SLC39A14: variants seen among roughly 807,000 people sequenced by gnomAD.
SLC39A14 encodes metal cation symporter ZIP14.
A neutral mutation model predicts 45.5 loss-of-function variants in SLC39A14; 19 were observed. The observed-to-expected ratio is 0.42, with a 90% CI of 0.29 to 0.61. The LOEUF is 0.61. Ranked by LOEUF, SLC39A14 falls within the 20% of genes least tolerant of loss-of-function variation. SLC39A14 has a pLI of 0.22. For synonymous variants in SLC39A14, 264 were observed against 251.3 expected (o/e 1.05, Z -0.48); for missense variants, 447 against 616.5 (o/e 0.73, Z 2.91).
chr8:22,423,627 C>T (rs1196886262), downstream of SLC39A14, among the ~76,000 whole-genome samples: 1 of 151,322 alleles, frequency 6.6e-6, no homozygotes, highest in African/African-American at 2.4e-5. Flanking sequence ...GAGCCACTGG[C>T]CATGATTTTT....
At chr8:22,403,101 C>T (rs865979079) in intron 1 of SLC39A14, among the ~76,000 whole-genome samples, 17 of 151,414 alleles carry the variant, frequency 1.1e-4, no homozygotes, top group Middle Eastern at 7.0e-3. Flanking sequence ...CTTAGCCTCC[C>T]GAGTAGCTGG....
At position 22,421,834 on chromosome 8, in the gene SLC39A14, T is replaced by C; in HGVS notation, c.*2136T>C. Reference sequence around the variant, plus strand: ...GGAGAGGAGCTCAAAACTATAATCTTTAACAAATTGAAAAATGAAATAGGG... The same window carrying C: ...GGAGAGGAGCTCAAAACTATAATCTCTAACAAATTGAAAAATGAAATAGGG... On this transcript the variant is annotated 3_prime_UTR_variant, in exon 9 of 9. Coordinates refer to ENST00000381237, the MANE Select transcript of SLC39A14 (RefSeq NM_001128431.4). 2.0e-6 allele frequency: 2 copies of C among 985,386 alleles called. No individual in the cohort carries two copies. Among genetic ancestry groups the C allele is most frequent in the Non-Finnish European group, 2.4e-6 (2 of 829,860 alleles). 61.0% of individuals were successfully genotyped at this position (985,386 alleles called of 1,614,324 possible). A position where few individuals can be genotyped will look rare whatever the true frequency, so the allele number is the denominator to read the frequency against.
chr8:22,401,446 G>A (rs1339618791), intron 1 of SLC39A14, among the ~76,000 whole-genome samples: 1 of 151,962 alleles, frequency 6.6e-6, no homozygotes, highest in Admixed American at 6.6e-5. Flanking sequence ...ACCATACTAA[G>A]GGAGGTGGTT....
chr8:22,410,386 C>T (rs948678200), intron 3 of SLC39A14, among the ~76,000 whole-genome samples: 2 of 152,150 alleles, frequency 1.3e-5, no homozygotes, highest in Admixed American at 6.6e-5. Context: ...CTTGTTAAGC[C>T]CCATACATAA....
intron 1 of SLC39A14, among the ~76,000 whole-genome samples, chr8:22,387,977 T>TAAGAA (rs1206065973): frequency 6.6e-6 from 1 of 152,202 alleles, no homozygotes; most frequent in African/African-American, 2.4e-5. Context: ...GCATGCCTGT[T>TAAGAA]CATGTCTGGA....
intron 1 of SLC39A14, among the ~76,000 whole-genome samples, chr8:22,380,765 C>T (rs1186210848): frequency 1.3e-5 from 2 of 151,782 alleles, no homozygotes; most frequent in Non-Finnish European, 2.9e-5. Context: ...CTGATTTGAC[C>T]TCCCGGGCTC....
At chr8:22,368,250 G>C (rs1832741592) in intron 1 of SLC39A14, among the ~76,000 whole-genome samples, 1 of 152,118 alleles carries the variant, frequency 6.6e-6, no homozygotes, top group Non-Finnish European at 1.5e-5. Context: ...GCTTTGACCT[G>C]ACCCTTCTTC....
intron 1 of SLC39A14, among the ~76,000 whole-genome samples, chr8:22,371,090 G>A (rs1262593282): frequency 1.3e-5 from 2 of 152,198 alleles, no homozygotes; most frequent in Non-Finnish European, 2.9e-5. Flanking sequence ...AGGCAGAGAC[G>A]CAGAGGCTGG....
At chr8:22,387,232 C>T (rs560891792) in intron 1 of SLC39A14, among the ~76,000 whole-genome samples, 5 of 151,216 alleles carry the variant, frequency 3.3e-5, no homozygotes, top group African/African-American at 9.7e-5. Flanking sequence ...GTGTTAAAGT[C>T]GTGATGCAGT....
chr8:22,406,847 A>G (rs1467173656), intron 2 of SLC39A14, among the ~76,000 whole-genome samples: 3 of 152,184 alleles, frequency 2.0e-5, no homozygotes, highest in Non-Finnish European at 1.5e-5. Flanking sequence ...TAGCAGCAGC[A>G]TCTCGGGGTG....
At chr8:22,391,804 G>A (rs111513166) in intron 1 of SLC39A14, among the ~76,000 whole-genome samples, 4,675 of 152,176 alleles carry the variant, frequency 0.031, 228 homozygotes, top group African/African-American at 0.1. Flanking sequence ...TCCTGACCTC[G>A]TGATCCGCCT....
chr8:22,409,540 G>A (rs779105927), intron 3 of SLC39A14, among the ~76,000 whole-genome samples: 2 of 152,012 alleles, frequency 1.3e-5, no homozygotes, highest in Non-Finnish European at 2.9e-5. Flanking sequence ...GCGCCACCAC[G>A]CCCAGCTAAT....
intron 1 of SLC39A14, among the ~76,000 whole-genome samples, chr8:22,391,537 A>C (rs1375931444): frequency 6.6e-6 from 1 of 151,704 alleles, no homozygotes; most frequent in Admixed American, 6.6e-5. Flanking sequence ...GGAGGATAGA[A>C]TGTCCTTGGA....
At chr8:22,411,778 C>CTTG in intron 3 of SLC39A14, 1 of 434,474 alleles carries the variant, frequency 2.3e-6, no homozygotes, top group Non-Finnish European at 4.2e-6. Flanking sequence ...CCAAGGCCAC[C>CTTG]TTGAATTCCT....
intron 1 of SLC39A14, among the ~76,000 whole-genome samples, chr8:22,385,922 G>C (rs1461250087): frequency 6.6e-6 from 1 of 152,104 alleles, no homozygotes; most frequent in Non-Finnish European, 1.5e-5. Context: ...GGAAAGTGAT[G>C]TGATCAATTT....
intron 1 of SLC39A14, among the ~76,000 whole-genome samples, chr8:22,381,845 A>C (rs1285274270): frequency 1.3e-5 from 2 of 152,188 alleles, no homozygotes; most frequent in African/African-American, 4.8e-5. Context: ...ATATCAGCAA[A>C]AATGGGCAAA....
At chr8:22,402,513 C>CA (rs1834934920) in intron 1 of SLC39A14, among the ~76,000 whole-genome samples, 1 of 152,180 alleles carries the variant, frequency 6.6e-6, no homozygotes, top group Non-Finnish European at 1.5e-5. Flanking sequence ...CATACGCCTA[C>CA]AATCCCAACA....
rs539721497 is a variant in SLC39A14 at position 22,367,576 on chromosome 8, T to A, written c.-16+168T>A. ...GCTGGGTGGAGGCTGCACCTGGCCG[T>A]GGTGCCGCGCTGGCGAGGGGAGAGG... On this transcript the variant is annotated intron_variant, in intron 1 of 8. Coordinates refer to ENST00000381237, the MANE Select transcript of SLC39A14 (RefSeq NM_001128431.4). This position sits in a 1 kb window ranked among gnomAD's most constrained non-coding sequence, Gnocchi z 4.2. 1.3e-5 allele frequency: 2 copies of A among 152,464 alleles called. No individual in the cohort carries two copies. Among genetic ancestry groups the A allele is most frequent in the African/African-American group, 2.4e-5 (1 of 41,454 alleles). The allele number at this position is 152,464 out of a possible 1,614,324, so 9.4% of individuals were successfully genotyped here.
At position 22,368,622 on chromosome 8, in the gene SLC39A14, C is replaced by T. The variant is rs1468129879; in HGVS notation, c.-16+1214C>T. ...CGCGATCTCGGCTCACTGCAACCTC[C>T]GCCTCCCGGGTTCAAGCGACTCTCC... is the stretch of plus-strand genomic sequence containing the variant. On this transcript the variant is annotated intron_variant, in intron 1 of 8. Coordinates refer to ENST00000381237, the MANE Select transcript of SLC39A14 (RefSeq NM_001128431.4). 3.9e-5 allele frequency among the ~76,000 whole-genome samples: 6 copies of T among 152,164 alleles called. No homozygotes were observed. The Middle Eastern group carries it at 0.01, about 259-fold the overall frequency.
Sources: allele counts gnomAD v4.1 joint callset (sites outside exome capture counted in the v4.1 genomes callset), GRCh38; gene constraint gnomAD v4.1.1; non-coding constraint Gnocchi (gnomAD v3.1); transcripts MANE v1.5; gene names NCBI Gene and HGNC (gene_info 2026-07-23, HGNC 2026-07-21).